Variants in SLC8A1 observed in about 807,000 individuals in gnomAD.
SLC8A1 encodes the protein solute carrier family 8 member A1.
A neutral mutation model predicts 68.3 loss-of-function variants in SLC8A1; 18 were observed. That is an observed-to-expected ratio of 0.26 (90% confidence interval 0.18 to 0.39). The LOEUF (loss-of-function observed/expected upper bound fraction) is 0.39. SLC8A1 is among the 10% of genes least tolerant of loss of function. SLC8A1 has a pLI of 1.00. For synonymous variants in SLC8A1, 475 were observed against 415.5 expected (o/e 1.14, Z -1.74); for missense variants, 985 against 1,156.7 (o/e 0.85, Z 2.15).
intron 2 of SLC8A1, among the ~76,000 whole-genome samples, chr2:40,316,295 A>G: frequency 6.6e-6 from 1 of 152,048 alleles, no homozygotes; most frequent in Admixed American, 6.6e-5. Flanking sequence ...GGATGTTGAA[A>G]AGAAATTTAT....
chr2:40,180,395 T>G lies in SLC8A1; in HGVS notation c.1809-2540A>C, dbSNP rs535950929. Among the ~76,000 whole-genome samples the G allele has an allele frequency of 2.7e-4, 41 of 152,280 alleles. No homozygotes were observed. In the South Asian group the frequency reaches 8.3e-3, roughly 31 times the overall value. On this transcript the variant is annotated intron_variant, in intron 2 of 7. Coordinates refer to ENST00000406785, the Ensembl canonical transcript of SLC8A1. ...ATTTGATGTTGTAAAATAGATCAAA[T>G]TTGCTCTACACAAAACTGCCAAATG...
chr2:40,484,883 G>A (rs1559762617), intron 1 of SLC8A1, among the ~76,000 whole-genome samples: 1 of 152,188 alleles, frequency 6.6e-6, no homozygotes, highest in Non-Finnish European at 1.5e-5. Context: ...GGATGCTGGA[G>A]GTGGAAGGGG....
At chr2:40,504,043 G>T (rs1706210256) in intron 1 of SLC8A1, among the ~76,000 whole-genome samples, 1 of 151,952 alleles carries the variant, frequency 6.6e-6, no homozygotes, top group Admixed American at 6.6e-5. Context: ...CACATTACCT[G>T]GCTTCAAATT....
chr2:40,143,002 T>C (rs2041867780), intron 6 of SLC8A1, among the ~76,000 whole-genome samples: 1 of 152,090 alleles, frequency 6.6e-6, no homozygotes, highest in South Asian at 2.1e-4. Flanking sequence ...GTGTTCTTTC[T>C]GTAGGCTTCC....
chr2:40,408,715 A>C (rs1361461968), intron 2 of SLC8A1, among the ~76,000 whole-genome samples: 1 of 152,154 alleles, frequency 6.6e-6, no homozygotes, highest in Non-Finnish European at 1.5e-5. Flanking sequence ...AGCACGAAAG[A>C]CCTGTATTTC....
intron 2 of SLC8A1, among the ~76,000 whole-genome samples, chr2:40,241,705 G>T (rs186382223): frequency 6.6e-6 from 1 of 152,136 alleles, no homozygotes; most frequent in African/African-American, 2.4e-5. Context: ...TTCAGAGCCT[G>T]GGACAGACAC....
intron 2 of SLC8A1, among the ~76,000 whole-genome samples, chr2:40,326,550 G>C (rs72943138): frequency 0.15 from 22,299 of 151,890 alleles, 1,887 homozygotes; most frequent in African/African-American, 0.22. Context: ...CACTCATTTT[G>C]CTTCCCCACC....
intron 2 of SLC8A1, among the ~76,000 whole-genome samples, chr2:40,358,749 A>G (rs140881062): frequency 2.0e-5 from 3 of 152,216 alleles, no homozygotes; most frequent in African/African-American, 4.8e-5. Flanking sequence ...AACAGGCAAG[A>G]CTCCTACTCT....
At chr2:40,113,905 C>T (rs1220318332) in exon 8 of SLC8A1, 1 of 152,756 alleles carries the variant, frequency 6.5e-6, no homozygotes, top group Non-Finnish European at 1.5e-5. Flanking sequence ...GCTATCCTCT[C>T]AATAGCTTTA....
At chr2:40,212,448 C>A (rs771628355) in intron 2 of SLC8A1, among the ~76,000 whole-genome samples, 4 of 152,010 alleles carry the variant, frequency 2.6e-5, no homozygotes, top group Non-Finnish European at 5.9e-5. Context: ...CCATACCCAG[C>A]TAATTTTTGT....
intron 2 of SLC8A1, among the ~76,000 whole-genome samples, chr2:40,248,996 T>C (rs145732874): frequency 3.7e-4 from 57 of 152,306 alleles, no homozygotes; most frequent in African/African-American, 1.3e-3. Flanking sequence ...CTAGGGACAT[T>C]CATTGAGAAC....
At chr2:40,346,047 T>TAAAAAAAAAAAAAAA (rs774555210) in intron 2 of SLC8A1, among the ~76,000 whole-genome samples, 213 of 41,664 alleles carry the variant, frequency 5.1e-3, no homozygotes, top group Non-Finnish European at 6.2e-3. Flanking sequence ...ACATTAACAG[T>TAAAAAAAAAAAAAAA]AAAAAAAAAA....
At chr2:40,220,862 A>AT (rs1041522379) in intron 2 of SLC8A1, among the ~76,000 whole-genome samples, 6 of 151,384 alleles carry the variant, frequency 4.0e-5, no homozygotes, top group African/African-American at 9.7e-5. Flanking sequence ...TAATAGTTGA[A>AT]TTTTTTTTTC....
chr2:40,361,961 C>T (rs1360490455), intron 2 of SLC8A1, among the ~76,000 whole-genome samples: 2 of 118,258 alleles, frequency 1.7e-5, no homozygotes, highest in East Asian at 2.8e-4. Context: ...AGTGCAGTGG[C>T]ACAATCTGCC....
At chr2:40,384,941 G>C (rs190309562) in intron 2 of SLC8A1, among the ~76,000 whole-genome samples, 2 of 152,076 alleles carry the variant, frequency 1.3e-5, no homozygotes, top group Admixed American at 1.3e-4. Flanking sequence ...CATAATCAAG[G>C]TCAAATCTCT....
rs1573069276 is a variant in SLC8A1, at chr2:40,142,666, T to A, written c.2162-2990A>T. 2.0e-5 allele frequency among the ~76,000 whole-genome samples: 3 copies of A among 152,272 alleles called. No individual in the cohort carries two copies. In the East Asian group the frequency reaches 5.8e-4, roughly 29 times the overall value. On this transcript the variant is annotated intron_variant, in intron 6 of 7. Transcript: ENST00000406785. ...ATTTATAAATTGAGAGTAGACATTA[T>A]ATTTGTCTTCAAGATGGAAATAACA...
intron 2 of SLC8A1, among the ~76,000 whole-genome samples, chr2:40,382,756 T>C (rs1044012690): frequency 1.9e-4 from 29 of 152,240 alleles, no homozygotes; most frequent in Admixed American, 3.3e-4. Flanking sequence ...AAAGCTTTAA[T>C]TGTTCTACTA....
intron 2 of SLC8A1, among the ~76,000 whole-genome samples, chr2:40,315,273 C>T (rs762860157): frequency 8.6e-5 from 13 of 151,518 alleles, no homozygotes; most frequent in South Asian, 2.1e-4. Context: ...TTTTCTAGTT[C>T]GTCAGTATGG....
chr2:40,385,904 A>G (rs1683397361), intron 2 of SLC8A1, among the ~76,000 whole-genome samples: 1 of 151,396 alleles, frequency 6.6e-6, no homozygotes, highest in Admixed American at 6.6e-5. Flanking sequence ...ATAGAATATT[A>G]TTCCACCACT....
Sources: allele counts gnomAD v4.1 joint callset (sites outside exome capture counted in the v4.1 genomes callset), GRCh38; gene constraint gnomAD v4.1.1; transcripts MANE v1.5; gene names NCBI Gene and HGNC (gene_info 2026-07-23, HGNC 2026-07-21).